Variants in ZNF217 observed in about 807,000 individuals in gnomAD.
ZNF217 encodes zinc finger protein 217.
In ZNF217, 12 loss-of-function variants were observed where a neutral mutation model predicts 73.3. The observed-to-expected ratio is 0.16, with a 90% confidence interval of 0.10 to 0.27. The LOEUF (loss-of-function observed/expected upper bound fraction) is 0.27, where lower values mean the gene tolerates loss of function less well. ZNF217 is among the 10% of genes least tolerant of loss of function. The pLI, the probability that ZNF217 is intolerant of heterozygous loss-of-function variation, is 1.00. For missense variants in ZNF217, 1,195 were observed against 1,327.8 expected (o/e 0.90, Z 1.55); for synonymous variants, 588 against 516.4 (o/e 1.14, Z -1.88).
intron 1 of ZNF217, among the ~76,000 whole-genome samples, chr20:53,584,605 G>A (rs1600726396): frequency 2.0e-5 from 3 of 152,192 alleles, no homozygotes; most frequent in East Asian, 1.9e-4. Context: ...CCAGAGACCC[G>A]AGTTCTAGTC....
At chr20:53,597,199 C>T (rs1026964594), upstream of ZNF217, among the ~76,000 whole-genome samples, 1 of 151,718 alleles carries the variant, frequency 6.6e-6, no homozygotes, top group Non-Finnish European at 1.5e-5. Flanking sequence ...GTAGGATCTT[C>T]TTATTTCACA....
chr20:53,596,168 CCT>C (rs1010029662), upstream of ZNF217, among the ~76,000 whole-genome samples: 4 of 151,924 alleles, frequency 2.6e-5, no homozygotes, highest in East Asian at 1.9e-4. Flanking sequence ...TTGTTTTCCC[CCT>C]GTGCCCTCCA....
chr20:53,576,400 T>C lies in ZNF217; in HGVS notation c.2364A>G (p.Pro788=), dbSNP rs1444833257. ...GAGGGCTCTGCTTCCCCTTCGCAGA[T>C]GGCAGGGATTTGGACTGCGCCGGGA... is the stretch of plus-strand genomic sequence containing the variant. The part of the protein sequence containing the change: ...SAFPAQSKSL[P]SAKGKQSPPG... Residue 788 remains proline, a synonymous_variant, in exon 4 of 6, where the codon CCA becomes CCG. Transcript: ENST00000371471. 1 of 1,614,228 alleles carries C rather than the reference T, an allele frequency of 6.2e-7. No homozygotes were observed. Among genetic ancestry groups the C allele is most frequent in the Non-Finnish European group, 8.5e-7 (1 of 1,180,042 alleles).
intron 2 of ZNF217, among the ~76,000 whole-genome samples, chr20:53,580,457 G>A (rs1988443615): frequency 6.6e-6 from 1 of 152,172 alleles, no homozygotes; most frequent in South Asian, 2.1e-4. Context: ...CTTTTCAACT[G>A]TTTTAAGCAG....
chr20:53,579,875 C>T (rs1414176389), intron 2 of ZNF217, among the ~76,000 whole-genome samples: 1 of 152,198 alleles, frequency 6.6e-6, no homozygotes, highest in East Asian at 1.9e-4. Context: ...AGTGGTAGAA[C>T]CAGAACTCAA....
chr20:53,592,633 G>A (rs1356791877), intron 1 of ZNF217, among the ~76,000 whole-genome samples: 1 of 151,176 alleles, frequency 6.6e-6, no homozygotes, highest in Non-Finnish European at 1.5e-5. Flanking sequence ...CCAGGTTCCG[G>A]CGCGCGCCCC....
intron 5 of ZNF217, 35 bp downstream of exon 5, chr20:53,571,686 C>A (rs775127946): frequency 2.6e-5 from 41 of 1,592,114 alleles, no homozygotes; most frequent in Non-Finnish European, 3.2e-5. Flanking sequence ...CCGCACTCAG[C>A]CAATCCAGTG....
intron 4 of ZNF217, chr20:53,572,753 A>G (rs1988069465): frequency 6.6e-6 from 1 of 152,178 alleles, no homozygotes; most frequent in Non-Finnish European, 1.5e-5. Context: ...GGGGAGCACA[A>G]ACCAGTAGAG....
chr20:53,573,182 G>A (rs931225553), intron 4 of ZNF217, among the ~76,000 whole-genome samples: 2 of 151,326 alleles, frequency 1.3e-5, no homozygotes, highest in Non-Finnish European at 2.9e-5. Context: ...GAGTGCAATG[G>A]CACAATCTCA....
chr20:53,585,305 C>T (rs1318922503), intron 1 of ZNF217, among the ~76,000 whole-genome samples: 2 of 152,112 alleles, frequency 1.3e-5, no homozygotes, highest in Non-Finnish European at 2.9e-5. Context: ...CACACCTATA[C>T]TCCCAATGCT....
chr20:53,572,144 A>G (rs1568678782), intron 4 of ZNF217, among the ~76,000 whole-genome samples: 1 of 152,250 alleles, frequency 6.6e-6, no homozygotes, highest in Non-Finnish European at 1.5e-5. Context: ...TATATGCATC[A>G]TGAACCAAAC....
At chr20:53,585,866 G>A (rs1988676940) in intron 1 of ZNF217, among the ~76,000 whole-genome samples, 1 of 152,040 alleles carries the variant, frequency 6.6e-6, no homozygotes, top group Non-Finnish European at 1.5e-5. Context: ...GGTCAGATGG[G>A]GAAGGAAACC....
chr20:53,594,265 G>A (rs1343208956), upstream of ZNF217, among the ~76,000 whole-genome samples: 6 of 151,596 alleles, frequency 4.0e-5, no homozygotes, highest in East Asian at 1.2e-3. Context: ...GGGTCAGAAA[G>A]TGTTCAGGGA....
Position 53,576,981 on chromosome 20 carries a change from C to T in ZNF217, c.1783G>A (p.Ala595Thr). 6.2e-7 allele frequency: 1 copy of T among 1,614,176 alleles called. No individual in the cohort carries two copies. The highest frequency in any genetic ancestry group is 8.5e-7 in the Non-Finnish European group (1 of 1,180,052). ...TGGAAATCCTGAGTATCTTTGTGTG[C>T]TGGTGAGAGGACAGCGCTGCCCAGA... ...NVLGSAVLSPAHKDTQDFHKN... is the reference protein window; with the variant it reads ...NVLGSAVLSPTHKDTQDFHKN... Residue 595 changes from alanine (A) to threonine (T), a missense_variant, in exon 4 of 6, where the codon GCA (alanine) becomes ACA (threonine). This residue lies in a region of ZNF217 where 649 missense variants were observed against 642.8 expected (regional missense o/e 1.01). Coordinates refer to ENST00000371471, the MANE Select transcript of ZNF217 (RefSeq NM_006526.3).
chr20:53,579,967 C>T (rs1022697580), intron 2 of ZNF217, among the ~76,000 whole-genome samples: 3 of 152,204 alleles, frequency 2.0e-5, no homozygotes, highest in Non-Finnish European at 4.4e-5. Context: ...CACCACCTAC[C>T]GGTAACTGGC....
intron 4 of ZNF217, chr20:53,574,480 G>A (rs939533081): frequency 4.5e-4 from 69 of 152,258 alleles, no homozygotes; most frequent in African/African-American, 1.6e-3. Context: ...CAGGCCAGCA[G>A]GGAATGGTAA....
intron 1 of ZNF217, among the ~76,000 whole-genome samples, chr20:53,588,077 G>A (rs966438108): frequency 6.6e-6 from 1 of 152,014 alleles, no homozygotes; most frequent in African/African-American, 2.4e-5. Flanking sequence ...AACTTGGGAA[G>A]CTTGTAAAGG....
In ZNF217 at chr20:53,576,193, G is replaced by A. The variant is rs767201521; in HGVS notation, c.2571C>T (p.Pro857=). 36 of 1,614,050 alleles carry A rather than the reference G, an allele frequency of 2.2e-5. No homozygotes were observed. Among genetic ancestry groups the A allele is most frequent in the Middle Eastern group, 1.6e-4 (1 of 6,084 alleles). The part of the protein sequence containing the change: ...VSPAPDKTKR[P]ETKLKPLPVA... Reference sequence around the variant, plus strand: ...CTGGAAGAGGTTTCAATTTTGTCTCGGGTCTTTTTGTCTTATCCGGTGCAG... The same window carrying A: ...CTGGAAGAGGTTTCAATTTTGTCTCAGGTCTTTTTGTCTTATCCGGTGCAG... Residue 857 remains proline (P), a synonymous_variant, in exon 4 of 6, where the codon CCC becomes CCT. Coordinates refer to ENST00000371471, the MANE Select transcript of ZNF217 (RefSeq NM_006526.3).
In ZNF217 at chr20:53,576,936, T is replaced by G; in HGVS notation, c.1828A>C (p.Ser610Arg). ...GGGTTTTTATTCACTTTATCAGCAC[T>G]GTCATCAGCTGCATTTTTATGGAAA... Reference protein sequence around the residue: ...QDFHKNAADDSADKVNKNPTP... With the variant: ...QDFHKNAADDRADKVNKNPTP... The change falls in exon 4 of 6, where the codon AGT becomes CGT. Residue 610 changes from serine to arginine, a missense_variant. By Grantham distance (110) the Ser-to-Arg change is moderately radical (BLOSUM62 -1). Transcript: ENST00000371471. The G allele has an allele frequency of 6.2e-7, 1 of 1,614,222 alleles. No individual in the cohort carries two copies. The highest frequency in any genetic ancestry group is 8.5e-7 in the Non-Finnish European group (1 of 1,180,044).
Sources: gnomAD v4.1 joint callset for allele counts (sites outside exome capture counted in the v4.1 genomes callset) on GRCh38, gnomAD v4.1.1 for gene constraint, gnomAD v4.1.1 regional missense constraint, MANE v1.5 for transcripts, NCBI Gene and HGNC (gene_info 2026-07-23, HGNC 2026-07-21) for gene names.